CNTNAP2: variants seen among roughly 807,000 people sequenced by gnomAD.
CNTNAP2 encodes contactin-associated protein-like 2.
In CNTNAP2, 98 loss-of-function variants were observed where a neutral mutation model predicts 155.2. The ratio of observed to expected loss-of-function variants is 0.63; its 90% CI spans 0.54 to 0.75. CNTNAP2 has a LOEUF of 0.75. Ranked by LOEUF, CNTNAP2 falls within the 30% of genes least tolerant of loss-of-function variation. CNTNAP2 has a pLI of 0.00. For synonymous variants in CNTNAP2, 651 were observed against 631.2 expected, an observed-to-expected ratio of 1.03 and a Z score of -0.47; for missense variants, 1,727 against 1,688.1, an observed-to-expected ratio of 1.02 and a Z score of -0.40.
chr7:148,400,995 A>T lies in CNTNAP2; in HGVS notation c.3716-8396A>T, dbSNP rs1004387739. On this transcript the variant is annotated intron_variant, in intron 22 of 23. Coordinates refer to ENST00000361727, the MANE Select transcript of CNTNAP2 (RefSeq NM_014141.6). ...ACTCCGCCTCAAAAAAAAAAAAAAG[A>T]TTTGTTATGCTGGATTGTTTAGGGA... 4.0e-5 allele frequency among the ~76,000 whole-genome samples: 6 copies of T among 150,208 alleles called. No individual in the cohort carries two copies. The South Asian group carries it at 8.4e-4, about 21-fold the overall frequency.
intron 14 of CNTNAP2, among the ~76,000 whole-genome samples, chr7:147,920,305 G>T (rs1248541736): frequency 6.9e-6 from 1 of 144,042 alleles, no homozygotes; most frequent in Non-Finnish European, 1.5e-5. Flanking sequence ...GCAGTGAGCC[G>T]AGATGGCACC....
chr7:147,415,709 G>T (rs752561273), intron 10 of CNTNAP2, among the ~76,000 whole-genome samples: 7 of 152,112 alleles, frequency 4.6e-5, no homozygotes, highest in Non-Finnish European at 8.8e-5. Context: ...AACTTGTAAA[G>T]CTACACATGG....
chr7:147,149,207 CTAGACACAGAGTGCTGATTGGTGCATTT>C (rs1285030877), intron 8 of CNTNAP2, among the ~76,000 whole-genome samples: 6 of 152,132 alleles, frequency 3.9e-5, no homozygotes, highest in African/African-American at 1.4e-4. Context: ...AAGCCTTTAG[CTAGACACAGAGTGCTGATTGGTGCATTT>C]TTACAGAGTT....
At chr7:146,453,708 G>A (rs1563089910) in intron 1 of CNTNAP2, among the ~76,000 whole-genome samples, 7 of 152,138 alleles carry the variant, frequency 4.6e-5, no homozygotes, top group African/African-American at 1.4e-4. Context: ...TGATGAGCGA[G>A]CATGAAAATT....
intron 15 of CNTNAP2, among the ~76,000 whole-genome samples, chr7:147,997,099 A>T (rs1801816492): frequency 6.6e-6 from 1 of 152,204 alleles, no homozygotes; most frequent in African/African-American, 2.4e-5. Context: ...AATCTGCCTT[A>T]ATCTTGGACT....
At chr7:146,898,403 A>G (rs999888119) in intron 3 of CNTNAP2, among the ~76,000 whole-genome samples, 1 of 152,080 alleles carries the variant, frequency 6.6e-6, no homozygotes, top group Admixed American at 6.6e-5. Flanking sequence ...GATTCTCAAA[A>G]TACAGAATTT....
intron 17 of CNTNAP2, among the ~76,000 whole-genome samples, chr7:148,161,755 T>C (rs989583244): frequency 6.6e-6 from 1 of 152,262 alleles, no homozygotes; most frequent in East Asian, 1.9e-4. Flanking sequence ...TACTGTTGTC[T>C]GATTTTCCTT....
At chr7:146,358,022 TTTTA>T (rs375240509) in intron 1 of CNTNAP2, among the ~76,000 whole-genome samples, 8 of 149,074 alleles carry the variant, frequency 5.4e-5, no homozygotes, top group South Asian at 2.1e-4. Flanking sequence ...ATTTATTTAA[TTTTA>T]TTTATTTATT....
At chr7:148,366,727 C>A (rs1766592310) in intron 21 of CNTNAP2, among the ~76,000 whole-genome samples, 1 of 152,114 alleles carries the variant, frequency 6.6e-6, no homozygotes, top group African/African-American at 2.4e-5. Flanking sequence ...GGCCATCATG[C>A]AGTTTGTGAT....
At chr7:147,293,426 T>G (rs1383011) in intron 8 of CNTNAP2, among the ~76,000 whole-genome samples, 25,605 of 152,134 alleles carry the variant, frequency 0.17, 3,506 homozygotes, top group East Asian at 0.76. Context: ...ATATGAAAAT[T>G]TATATACCTT....
At chr7:146,433,473 T>G (rs1037180014) in intron 1 of CNTNAP2, among the ~76,000 whole-genome samples, 1 of 152,104 alleles carries the variant, frequency 6.6e-6, no homozygotes, top group African/African-American at 2.4e-5. Flanking sequence ...AAAATACACA[T>G]TGACAAAGGC....
At chr7:148,227,341 G>A (rs934113884) in intron 19 of CNTNAP2, among the ~76,000 whole-genome samples, 3 of 152,172 alleles carry the variant, frequency 2.0e-5, no homozygotes, top group Non-Finnish European at 4.4e-5. Context: ...GGGTTTGGAG[G>A]CAGCAAGTGT....
At chr7:146,338,887 T>TTTA (rs141799185) in intron 1 of CNTNAP2, among the ~76,000 whole-genome samples, 4 of 151,710 alleles carry the variant, frequency 2.6e-5, no homozygotes, top group Non-Finnish European at 4.4e-5. Flanking sequence ...ATTTTTTTTT[T>TTTA]AAAAAAGGTT....
intron 1 of CNTNAP2, among the ~76,000 whole-genome samples, chr7:146,564,748 G>T (rs1287277974): frequency 6.6e-6 from 1 of 151,628 alleles, no homozygotes; most frequent in Non-Finnish European, 1.5e-5. Context: ...CAGTCTGATT[G>T]TCTTTTATTA....
At chr7:147,909,239 G>C (rs559389180) in intron 14 of CNTNAP2, among the ~76,000 whole-genome samples, 1 of 152,206 alleles carries the variant, frequency 6.6e-6, no homozygotes, top group South Asian at 2.1e-4. Flanking sequence ...GATCAAGGAA[G>C]TTTTTTTAAT....
At chr7:146,239,324 A>G (rs1799523266) in intron 1 of CNTNAP2, among the ~76,000 whole-genome samples, 1 of 152,146 alleles carries the variant, frequency 6.6e-6, no homozygotes, top group African/African-American at 2.4e-5. Context: ...TTTTCTGCTG[A>G]GGTTTAGCAT....
intron 1 of CNTNAP2, among the ~76,000 whole-genome samples, chr7:146,348,882 T>C (rs1334879707): frequency 2.7e-5 from 4 of 150,074 alleles, no homozygotes; most frequent in Non-Finnish European, 5.9e-5. Flanking sequence ...TAGTGCATAA[T>C]TTTCAAAGAC....
chr7:148,038,142 C>T (rs748317985), intron 15 of CNTNAP2, among the ~76,000 whole-genome samples: 2 of 152,132 alleles, frequency 1.3e-5, no homozygotes, highest in Non-Finnish European at 2.9e-5. Context: ...CTGTCAAAAC[C>T]TTTCCATATC....
intron 9 of CNTNAP2, among the ~76,000 whole-genome samples, chr7:147,326,734 C>T (rs1396552557): frequency 6.6e-6 from 1 of 152,166 alleles, no homozygotes; most frequent in Non-Finnish European, 1.5e-5. Flanking sequence ...GTGGTAACAG[C>T]TCTTCTAGTG....
Sources: allele counts gnomAD v4.1 joint callset (sites outside exome capture counted in the v4.1 genomes callset), GRCh38; gene constraint gnomAD v4.1.1; transcripts MANE v1.5; gene names NCBI Gene and HGNC (gene_info 2026-07-23, HGNC 2026-07-21).